The following CACNA1D variants were observed in gnomAD, a reference collection of about 807,000 sequenced individuals.
The protein encoded by CACNA1D is voltage-dependent L-type calcium channel subunit alpha-1D.
In CACNA1D, 55 loss-of-function variants were observed where a neutral mutation model predicts 257.1. The observed-to-expected ratio is 0.21, with a 90% CI of 0.17 to 0.27. The LOEUF is 0.27. Among genes scored for constraint, CACNA1D ranks in the 10% least tolerant of loss-of-function variants. The pLI is 1.00. For missense variants in CACNA1D, 1,876 were observed against 2,784.0 expected, an observed-to-expected ratio of 0.67 and a Z score of 7.34; for synonymous variants, 980 against 1,014.9, an observed-to-expected ratio of 0.97 and a Z score of 0.65.
intron 9 of CACNA1D, among the ~76,000 whole-genome samples, chr3:53,713,539 TGTGTGA>T (rs201557243): frequency 0.02 from 2,780 of 136,092 alleles, 26 homozygotes; most frequent in African/African-American, 0.029. Flanking sequence ...TGTGTGTGTG[TGTGTGA>T]GAGATTTGCC....
intron 3 of CACNA1D, among the ~76,000 whole-genome samples, chr3:53,636,363 G>A (rs1002331582): frequency 1.3e-5 from 2 of 152,210 alleles, no homozygotes; most frequent in Non-Finnish European, 2.9e-5. Context: ...CAGTGCAGTG[G>A]TGCAATCTCG....
chr3:53,547,694 C>T (rs1336074741), intron 3 of CACNA1D, among the ~76,000 whole-genome samples: 1 of 152,138 alleles, frequency 6.6e-6, no homozygotes, highest in East Asian at 1.9e-4. Flanking sequence ...CCGCTGTTAA[C>T]GATTATGGCA....
intron 27 of CACNA1D, among the ~76,000 whole-genome samples, chr3:53,750,389 T>G (rs1022564477): frequency 6.6e-6 from 1 of 152,086 alleles, no homozygotes; most frequent in African/African-American, 2.4e-5. Context: ...TTTCCCCGGG[T>G]CCTCTATCAG....
At chr3:53,515,218 G>A (rs916088263) in intron 3 of CACNA1D, among the ~76,000 whole-genome samples, 4 of 152,076 alleles carry the variant, frequency 2.6e-5, no homozygotes, top group African/African-American at 7.2e-5. Context: ...TTTCTCAGCC[G>A]ACTTGAAATC....
intron 8 of CACNA1D, among the ~76,000 whole-genome samples, chr3:53,690,377 G>A (rs1357335421): frequency 6.6e-6 from 1 of 152,244 alleles, no homozygotes; most frequent in Non-Finnish European, 1.5e-5. Context: ...AGAGGCTTCA[G>A]AGAAATTGGT....
At chr3:53,551,745 G>A (rs993204376) in intron 3 of CACNA1D, among the ~76,000 whole-genome samples, 1 of 152,116 alleles carries the variant, frequency 6.6e-6, no homozygotes, top group Non-Finnish European at 1.5e-5. Context: ...GGAAACACAG[G>A]GTGTGAAGGC....
intron 20 of CACNA1D, among the ~76,000 whole-genome samples, chr3:53,739,057 T>G (rs2095087943): frequency 6.6e-6 from 1 of 152,278 alleles, no homozygotes; most frequent in South Asian, 2.1e-4. Context: ...GGAAAGTGAA[T>G]ACCCTCTGAA....
intron 8 of CACNA1D, among the ~76,000 whole-genome samples, chr3:53,694,230 C>G (rs968915708): frequency 6.6e-6 from 1 of 152,032 alleles, no homozygotes; most frequent in African/African-American, 2.4e-5. Context: ...CGTGGGGGCT[C>G]CACTGGGGCT....
Position 53,692,685 on chromosome 3 carries a change from C to T in CACNA1D, c.1221-9956C>T, listed in dbSNP as rs150327025. Among the ~76,000 whole-genome samples, 638 of 152,220 alleles carry T rather than the reference C, an allele frequency of 4.2e-3. 4 individuals are homozygous for T. Among genetic ancestry groups the T allele is most frequent in the Non-Finnish European group, 6.5e-3 (445 of 68,008 alleles). On this transcript the variant is annotated intron_variant, in intron 8 of 47. Coordinates refer to ENST00000350061, the MANE Select transcript of CACNA1D (RefSeq NM_001128840.3). Reference sequence around the variant, plus strand: ...CTAGTCATTAAAAGCTAGGAAACACCGACTCTGAAAATGATTCATCTTCCC... The same window carrying T: ...CTAGTCATTAAAAGCTAGGAAACACTGACTCTGAAAATGATTCATCTTCCC...
intron 12 of CACNA1D, among the ~76,000 whole-genome samples, chr3:53,722,817 G>C (rs981211725): frequency 6.6e-6 from 1 of 152,150 alleles, no homozygotes; most frequent in South Asian, 2.1e-4. Flanking sequence ...CTGGCAAATG[G>C]TTTTGGTTCC....
chr3:53,724,218 G>T (rs539433917), intron 14 of CACNA1D, among the ~76,000 whole-genome samples: 1 of 152,190 alleles, frequency 6.6e-6, no homozygotes, highest in East Asian at 1.9e-4. Flanking sequence ...AAGACTTCTA[G>T]CTACATTACA....
chr3:53,782,801 C>T (rs1020890258), intron 39 of CACNA1D: 3 of 152,342 alleles, frequency 2.0e-5, no homozygotes, highest in Admixed American at 6.5e-5. Context: ...CAAAAGTCCT[C>T]CCACCTGGAG....
chr3:53,580,859 A>G (rs2093121131), intron 3 of CACNA1D, among the ~76,000 whole-genome samples: 1 of 152,248 alleles, frequency 6.6e-6, no homozygotes, highest in Non-Finnish European at 1.5e-5. Flanking sequence ...ATGTCTGTGC[A>G]TACACACACT....
intron 3 of CACNA1D, among the ~76,000 whole-genome samples, chr3:53,636,508 G>T (rs995182960): frequency 6.6e-6 from 1 of 152,124 alleles, no homozygotes; most frequent in Non-Finnish European, 1.5e-5. Context: ...GTTTCACCCT[G>T]TTGGCCAAGC....
intron 3 of CACNA1D, among the ~76,000 whole-genome samples, chr3:53,505,044 T>C (rs1034806689): frequency 1.1e-4 from 16 of 151,864 alleles, no homozygotes; most frequent in Non-Finnish European, 2.2e-4. Context: ...CAAAGGCCCA[T>C]GGCCCATGTC....
chr3:53,755,122 T>C (rs2095254834), intron 29 of CACNA1D, among the ~76,000 whole-genome samples: 1 of 152,230 alleles, frequency 6.6e-6, no homozygotes. Flanking sequence ...TTTACTTCTT[T>C]GAACAATATT....
At position 53,774,389 on chromosome 3, in the gene CACNA1D, C is replaced by T; in HGVS notation, c.4111-198C>T. The T allele has an allele frequency of 3.4e-6, 2 of 580,380 alleles. No homozygotes were observed. Among genetic ancestry groups the T allele is most frequent in the Admixed American group, 5.6e-5 (2 of 35,528 alleles). 36.0% of individuals were successfully genotyped at this position (580,380 alleles called of 1,614,324 possible). ...AATGTGAGACCGTGCCCCTCTGGAGCACCACGTTCCCAGTGTGTAACCTGC... is the reference window on the plus strand; with the variant it reads ...AATGTGAGACCGTGCCCCTCTGGAGTACCACGTTCCCAGTGTGTAACCTGC... On this transcript the variant is annotated intron_variant, in intron 33 of 47. Coordinates refer to ENST00000350061, the MANE Select transcript of CACNA1D (RefSeq NM_001128840.3). The surrounding 1 kb of genome is among the most constrained non-coding windows in gnomAD (Gnocchi z 4.3).
chr3:53,779,397 ATATG>A (rs1279058034), intron 37 of CACNA1D, among the ~76,000 whole-genome samples: 5 of 151,318 alleles, frequency 3.3e-5, no homozygotes, highest in Admixed American at 3.3e-4. Context: ...ATGGAGGTGT[ATATG>A]TATGTATGTG....
chr3:53,747,926 G>A (rs765210782), intron 26 of CACNA1D, among the ~76,000 whole-genome samples: 6 of 152,120 alleles, frequency 3.9e-5, no homozygotes, highest in Admixed American at 6.5e-5. Flanking sequence ...CTCCCCACCC[G>A]TTAAAAATGT....
Sources: gnomAD v4.1 joint callset for allele counts (sites outside exome capture counted in the v4.1 genomes callset) on GRCh38, gnomAD v4.1.1 for gene constraint, Gnocchi (gnomAD v3.1) non-coding constraint, MANE v1.5 for transcripts, NCBI Gene and HGNC (gene_info 2026-07-23, HGNC 2026-07-21) for gene names.